Variants in TCF12 observed in about 807,000 individuals in gnomAD.
TCF12 encodes the protein DNA-binding protein HTF4.
Under a neutral mutation model 86.0 loss-of-function variants are expected in TCF12, and 45 were observed. That is an observed-to-expected ratio of 0.52 (90% CI 0.41 to 0.67). The LOEUF is 0.67. Ranked by LOEUF, TCF12 falls within the 30% of genes least tolerant of loss-of-function variation. The pLI is 0.00. For synonymous variants in TCF12, 330 were observed against 299.6 expected, an observed-to-expected ratio of 1.10 and a Z score of -1.05; for missense variants, 881 against 859.9, an observed-to-expected ratio of 1.02 and a Z score of -0.31.
chr15:57,163,911 G>A (rs76885737), intron 5 of TCF12, among the ~76,000 whole-genome samples: 1 of 152,300 alleles, frequency 6.6e-6, no homozygotes, highest in Non-Finnish European at 1.5e-5. Context: ...GAAACTCAGG[G>A]AAGGTAATTG....
intron 3 of TCF12, among the ~76,000 whole-genome samples, chr15:56,975,531 A>G (rs1448470442): frequency 1.3e-5 from 2 of 152,194 alleles, no homozygotes; most frequent in African/African-American, 4.8e-5. Flanking sequence ...TTATTCTAAA[A>G]AAATGAATTT....
At chr15:57,195,090 A>G (rs1466559998) in intron 7 of TCF12, among the ~76,000 whole-genome samples, 5 of 152,006 alleles carry the variant, frequency 3.3e-5, no homozygotes, top group African/African-American at 4.8e-5. Flanking sequence ...TTTAGTAGAG[A>G]AGGGGTTTCA....
At chr15:57,082,471 G>A (rs1278679415) in intron 4 of TCF12, among the ~76,000 whole-genome samples, 1 of 152,190 alleles carries the variant, frequency 6.6e-6, no homozygotes, top group African/African-American at 2.4e-5. Flanking sequence ...TTTAACAAAT[G>A]TGTCTTGAAC....
chr15:57,223,452 G>C (rs1217159707), intron 8 of TCF12, among the ~76,000 whole-genome samples: 2 of 151,958 alleles, frequency 1.3e-5, no homozygotes, highest in East Asian at 3.8e-4. Flanking sequence ...CAAATCTTTT[G>C]CATGTGTGGT....
chr15:57,058,552 T>C (rs1156311869), intron 3 of TCF12, among the ~76,000 whole-genome samples: 1 of 152,230 alleles, frequency 6.6e-6, no homozygotes, highest in East Asian at 1.9e-4. Flanking sequence ...TGATTCCTTC[T>C]AATCTTTCCA....
At chr15:56,925,240 G>GCCCCCCCC (rs11465192) in intron 3 of TCF12, among the ~76,000 whole-genome samples, 4 of 136,260 alleles carry the variant, frequency 2.9e-5, no homozygotes, top group Non-Finnish European at 3.1e-5. Flanking sequence ...GGTGTCCACC[G>GCCCCCCCC]CCCCCCCACC....
chr15:56,920,487 C>CGTGTGTGTGTGTGTGTGTGTGT (rs71113033), intron 2 of TCF12, among the ~76,000 whole-genome samples: 125 of 146,956 alleles, frequency 8.5e-4, no homozygotes, highest in African/African-American at 3.0e-3. Flanking sequence ...CACACACACA[C>CGTGTGTGTGTGTGTGTGTGTGT]GTGTGTGTGT....
chr15:56,994,886 A>G (rs1446806627), intron 3 of TCF12, among the ~76,000 whole-genome samples: 1 of 152,182 alleles, frequency 6.6e-6, no homozygotes, highest in Non-Finnish European at 1.5e-5. Flanking sequence ...GAAGATAAAC[A>G]GAAATGGTAA....
At chr15:56,919,128 G>C (rs2059638472) in intron 1 of TCF12, 1 of 151,692 alleles carries the variant, frequency 6.6e-6, no homozygotes. Flanking sequence ...CGCTCGGCCT[G>C]TGCGCCCCGT....
At chr15:57,284,166 G>A (rs1393039068) in intron 20 of TCF12, among the ~76,000 whole-genome samples, 1 of 152,026 alleles carries the variant, frequency 6.6e-6, no homozygotes, top group Non-Finnish European at 1.5e-5. Context: ...AAACTTTGAA[G>A]TTTTTTTGTT....
chr15:57,234,644 A>G (rs2059307588), intron 12 of TCF12, among the ~76,000 whole-genome samples: 1 of 152,226 alleles, frequency 6.6e-6, no homozygotes. Flanking sequence ...TTGAGCAACT[A>G]GTTCACATAC....
intron 3 of TCF12, among the ~76,000 whole-genome samples, chr15:56,946,990 G>T (rs922669759): frequency 1.3e-5 from 2 of 151,892 alleles, no homozygotes; most frequent in Non-Finnish European, 1.5e-5. Context: ...TAGAGACAGG[G>T]TTTCACCATG....
chr15:57,114,431 C>T (rs2050705808), intron 5 of TCF12, among the ~76,000 whole-genome samples: 1 of 152,136 alleles, frequency 6.6e-6, no homozygotes, highest in Non-Finnish European at 1.5e-5. Context: ...GTCGGGAGTA[C>T]AGGTGCACAC....
At chr15:56,939,967 G>GTTTTTTTTTTT (rs67832685) in intron 3 of TCF12, among the ~76,000 whole-genome samples, 2 of 104,752 alleles carry the variant, frequency 1.9e-5, no homozygotes, top group Non-Finnish European at 1.8e-5. Context: ...TTAATAGCGT[G>GTTTTTTTTTTT]TTTTTTTTTT....
intron 3 of TCF12, among the ~76,000 whole-genome samples, chr15:56,938,013 CTT>C (rs1219848986): frequency 2.4e-5 from 1 of 42,370 alleles, no homozygotes; most frequent in South Asian, 5.6e-4. Flanking sequence ...CTGTAGTTTG[CTT>C]TTTTTTTCTT....
At chr15:56,920,069 T>C (rs954634439) in intron 2 of TCF12, 81 bp downstream of exon 2, 37 of 1,518,430 alleles carry the variant, frequency 2.4e-5, no homozygotes, top group Non-Finnish European at 3.4e-5. Context: ...AAATAAAGGG[T>C]GAGGGGAAGC....
At chr15:56,993,599 T>C (rs562971502) in intron 3 of TCF12, among the ~76,000 whole-genome samples, 1 of 152,270 alleles carries the variant, frequency 6.6e-6, no homozygotes, top group South Asian at 2.1e-4. Flanking sequence ...CCCTGAACTA[T>C]ACATACTTGG....
Position 57,186,984 on chromosome 15 carries a change from C to T in TCF12, c.391-5174C>T, listed in dbSNP as rs150345689. On this transcript the variant is annotated intron_variant, in intron 6 of 20. Coordinates refer to ENST00000333725, the MANE Select transcript of TCF12 (RefSeq NM_207037.2). The stretch of plus-strand genomic sequence containing the variant: ...TCACTTGAGGCCAGGAGTTCAAGAC[C>T]AGCATGGCCAACATGATGAAACTCT... Among the ~76,000 whole-genome samples the T allele has an allele frequency of 6.6e-5, 10 of 152,258 alleles. No homozygotes were observed. The South Asian group carries it at 1.2e-3, about 19-fold the overall frequency.
At chr15:57,244,881 T>C (rs1347489766) in intron 13 of TCF12, among the ~76,000 whole-genome samples, 1 of 152,166 alleles carries the variant, frequency 6.6e-6, no homozygotes, top group African/African-American at 2.4e-5. Flanking sequence ...ATTTTTTTTA[T>C]TTCTTAGGAA....
Sources: allele counts gnomAD v4.1 joint callset (sites outside exome capture counted in the v4.1 genomes callset), GRCh38; gene constraint gnomAD v4.1.1; transcripts MANE v1.5; gene names NCBI Gene and HGNC (gene_info 2026-07-23, HGNC 2026-07-21).